The following SULF2 variants were observed in gnomAD, a reference collection of about 807,000 sequenced individuals.
The protein encoded by SULF2 is sulfatase 2.
In SULF2, 52 loss-of-function variants were observed where a neutral mutation model predicts 107.7. The observed-to-expected ratio is 0.48, with a 90% CI of 0.39 to 0.61. The LOEUF (loss-of-function observed/expected upper bound fraction) is 0.61, where lower values mean the gene tolerates loss of function less well. Among genes scored for constraint, SULF2 ranks in the 20% least tolerant of loss-of-function variants. The pLI, the probability that SULF2 is intolerant of heterozygous loss-of-function variation, is 0.00. For synonymous variants in SULF2, 460 were observed against 464.3 expected, an observed-to-expected ratio of 0.99 and a Z score of 0.12; for missense variants, 993 against 1,177.3, an observed-to-expected ratio of 0.84 and a Z score of 2.29.
In SULF2 at chr20:47,663,162, T is replaced by G. The variant is rs149155853; in HGVS notation, c.2278A>C (p.Met760Leu). Residue 760 changes from methionine (M) to leucine (L), a missense_variant, in exon 17 of 21, where the codon ATG (methionine) becomes CTG (leucine). By Grantham distance (15) the Met-to-Leu change is conservative. Transcript: ENST00000688720. Reference protein sequence around the residue: ...TSANNNTYWCMRTINETHNFL... With the variant: ...TSANNNTYWCLRTINETHNFL... ...TTGTGAGTCTCATTGATGGTCCTCA[T>G]GCACCAGTACGTGTTATTGTTGGCG... 882 of 1,614,180 alleles carry G rather than the reference T, an allele frequency of 5.5e-4. 1 individual carries two copies. The highest frequency in any genetic ancestry group is 9.3e-4 in the Admixed American group (56 of 60,024).
chr20:47,729,684 C>T (rs984702167), intron 3 of SULF2, among the ~76,000 whole-genome samples: 2 of 152,040 alleles, frequency 1.3e-5, no homozygotes, highest in African/African-American at 2.4e-5. Context: ...GCCGGGGAGG[C>T]GGGGGACCAG....
chr20:47,733,962 T>C (rs1305050992), intron 3 of SULF2, among the ~76,000 whole-genome samples: 1 of 152,216 alleles, frequency 6.6e-6, no homozygotes, highest in African/African-American at 2.4e-5. Context: ...CAAACGAGTA[T>C]CACAAACACA....
At chr20:47,687,824 C>T (rs780415366) in intron 5 of SULF2, among the ~76,000 whole-genome samples, 1 of 152,050 alleles carries the variant, frequency 6.6e-6, no homozygotes, top group Non-Finnish European at 1.5e-5. Context: ...CCTTCTGCTT[C>T]AGCCTTTCCA....
intron 1 of SULF2, among the ~76,000 whole-genome samples, chr20:47,763,604 G>A (rs568550361): frequency 9.8e-5 from 15 of 152,296 alleles, no homozygotes; most frequent in African/African-American, 3.1e-4. Flanking sequence ...TGGGTGTGCA[G>A]ATACGTCCCA....
At chr20:47,732,902 GGGT>G (rs1220285204) in intron 3 of SULF2, among the ~76,000 whole-genome samples, 2 of 152,082 alleles carry the variant, frequency 1.3e-5, no homozygotes, top group African/African-American at 2.4e-5. Context: ...ATCCTTCCAA[GGGT>G]ATTCATATCT....
chr20:47,661,458 TCAA>T lies in SULF2; in HGVS notation c.2494+312_2494+314del, dbSNP rs567290664. ...TCAGCGAGGATGGGGTCATCTTTAG[TCAA>T]CATGGTTTCAGGTGTAAGTTCTCAG... On this transcript the variant is annotated intron_variant, in intron 18 of 20. Coordinates refer to ENST00000688720, the MANE Select transcript of SULF2 (RefSeq NM_001387048.1). 2.1e-3 allele frequency: 420 copies of T among 202,402 alleles called. 2 individuals are homozygous for T. The highest frequency in any genetic ancestry group is 0.017 in the Middle Eastern group (9 of 536). The allele number at this position is 202,402 out of a possible 1,614,324, so 12.5% of individuals were successfully genotyped here.
At chr20:47,693,456 C>CT (rs373424730) in intron 4 of SULF2, among the ~76,000 whole-genome samples, 2 of 152,180 alleles carry the variant, frequency 1.3e-5, no homozygotes, top group Non-Finnish European at 2.9e-5. Context: ...CGTGGTTAAA[C>CT]TTTTTTAAAA....
In SULF2 at chr20:47,785,469, C is replaced by CGCTGCCGCT; in HGVS notation, c.-236_-228dup. 1 of 159,402 alleles carries CGCTGCCGCT rather than the reference C, an allele frequency of 6.3e-6. No individual in the cohort carries two copies. Among genetic ancestry groups the CGCTGCCGCT allele is most frequent in the Non-Finnish European group, 1.3e-5 (1 of 76,778 alleles). 9.9% of individuals were successfully genotyped at this position (159,402 alleles called of 1,614,324 possible). On this transcript the variant is annotated 5_prime_UTR_variant, in exon 1 of 21. Coordinates refer to ENST00000688720, the MANE Select transcript of SULF2 (RefSeq NM_001387048.1). Reference sequence around the variant, plus strand: ...CTGCCGCTGCCGCCGCCGCCGCCGCCGCTGCCGCTGCTGCATCCCCCGGCG... The same window carrying CGCTGCCGCT: ...CTGCCGCTGCCGCCGCCGCCGCCGCCGCTGCCGCTGCTGCCGCTGCTGCATCCCCCGGCG...
intron 2 of SULF2, among the ~76,000 whole-genome samples, chr20:47,754,697 A>C (rs2090240327): frequency 6.6e-6 from 1 of 152,218 alleles, no homozygotes; most frequent in Admixed American, 6.5e-5. Flanking sequence ...TGCCTGTTTA[A>C]ATTTCCAGCA....
intron 3 of SULF2, among the ~76,000 whole-genome samples, chr20:47,704,262 T>C (rs749887149): frequency 4.1e-4 from 60 of 147,480 alleles, no homozygotes; most frequent in Non-Finnish European, 7.0e-4. Flanking sequence ...TCTTCTGTTT[T>C]TATTTTGCAT....
chr20:47,764,023 G>C (rs752224920), intron 1 of SULF2, among the ~76,000 whole-genome samples: 4 of 152,142 alleles, frequency 2.6e-5, no homozygotes, highest in Admixed American at 1.3e-4. Flanking sequence ...CCAGCCACAC[G>C]GTCTCTGTAC....
chr20:47,683,810 A>G (rs1462949686), intron 6 of SULF2, among the ~76,000 whole-genome samples: 1 of 152,260 alleles, frequency 6.6e-6, no homozygotes, highest in East Asian at 1.9e-4. Flanking sequence ...CAGCAATAAC[A>G]GGGAATGAGG....
At chr20:47,760,708 G>A (rs907886207) in intron 1 of SULF2, among the ~76,000 whole-genome samples, 8 of 152,186 alleles carry the variant, frequency 5.3e-5, no homozygotes, top group Non-Finnish European at 8.8e-5. Context: ...AGCAGGCTCC[G>A]CTCAATGCCT....
chr20:47,694,821 C>T lies in SULF2; in HGVS notation c.568-4526G>A, dbSNP rs111961882. The stretch of plus-strand genomic sequence containing the variant: ...GCAGCTCCACAGGCTCCAGACAACT[C>T]GTAATGAATGATCATAGGCTCTTCA... On this transcript the variant is annotated intron_variant, in intron 4 of 20. Coordinates refer to ENST00000688720, the MANE Select transcript of SULF2 (RefSeq NM_001387048.1). This position sits in a 1 kb window ranked among gnomAD's most constrained non-coding sequence, Gnocchi z 4.4. Among the ~76,000 whole-genome samples the T allele has an allele frequency of 7.9e-5, 12 of 152,322 alleles. 2 individuals are homozygous for T. The highest frequency in any genetic ancestry group is 2.4e-4 in the African/African-American group (10 of 41,580).
At chr20:47,687,340 A>C (rs2088042381) in intron 5 of SULF2, among the ~76,000 whole-genome samples, 1 of 152,178 alleles carries the variant, frequency 6.6e-6, no homozygotes, top group African/African-American at 2.4e-5. Flanking sequence ...CCATGGGCCC[A>C]GCTGCCTGTT....
chr20:47,765,375 A>AC (rs199668056), intron 1 of SULF2, among the ~76,000 whole-genome samples: 3,373 of 114,392 alleles, frequency 0.029, 84 homozygotes, highest in African/African-American at 0.079. Context: ...ACAAAACAAA[A>AC]AAAAAAAAAC....
chr20:47,736,102 A>G (rs1285355013), intron 3 of SULF2, among the ~76,000 whole-genome samples: 2 of 152,160 alleles, frequency 1.3e-5, no homozygotes, highest in Non-Finnish European at 2.9e-5. Flanking sequence ...TCTACCTCAG[A>G]CAACCAGCCT....
intron 1 of SULF2, among the ~76,000 whole-genome samples, chr20:47,775,952 C>T (rs1055488289): frequency 2.0e-5 from 3 of 152,090 alleles, no homozygotes; most frequent in Non-Finnish European, 4.4e-5. Flanking sequence ...AGTGTCACAA[C>T]GGGAGACAAA....
chr20:47,665,731 G>A (rs916217877), intron 13 of SULF2, 126 bp downstream of exon 13: 2 of 740,830 alleles, frequency 2.7e-6, no homozygotes, highest in African/African-American at 3.4e-5. Context: ...AGGAATCTGT[G>A]GGGACCTCAC....
Sources: gnomAD v4.1 joint callset for allele counts (sites outside exome capture counted in the v4.1 genomes callset) on GRCh38, gnomAD v4.1.1 for gene constraint, Gnocchi (gnomAD v3.1) non-coding constraint, MANE v1.5 for transcripts, NCBI Gene and HGNC (gene_info 2026-07-23, HGNC 2026-07-21) for gene names.